The following LTA4H variants were observed in gnomAD, a reference collection of about 807,000 sequenced individuals.
The protein encoded by LTA4H is leukotriene A4 hydrolase, also known as leukotriene A-4 hydrolase.
In LTA4H, 59 loss-of-function variants were observed where a neutral mutation model predicts 89.8. The observed-to-expected ratio is 0.66, with a 90% CI of 0.53 to 0.82. LTA4H has a LOEUF of 0.82. Among genes scored for constraint, LTA4H ranks in the 40% least tolerant of loss-of-function variants. The probability of loss-of-function intolerance (pLI) is 0.00; values close to 1 mark genes in which losing one functional copy is unlikely to be tolerated. For missense variants in LTA4H, 617 were observed against 727.0 expected, an observed-to-expected ratio of 0.85 and a Z score of 1.74; for synonymous variants, 227 against 253.1, an observed-to-expected ratio of 0.90 and a Z score of 0.98.
chr12:96,018,898 T>G lies in LTA4H; in HGVS notation c.717A>C (p.Glu239Asp). ...EKSAYEFSET[E>D]SMLKIAEDLG... is the part of the protein sequence containing the mutation. ...GATCTTCTGCTATTTTAAGCATAGA[T>G]TCAGTCTGAAAAATCAACATATATA... The change falls in exon 8 of 19, where the codon GAA (glutamate) becomes GAC (aspartate). Residue 239 changes from glutamate to aspartate, a missense_variant. By Grantham distance (45) the Glu-to-Asp change is conservative. This residue lies in a region of LTA4H where 172 missense variants were observed against 244.5 expected (regional missense o/e 0.70). Transcript: ENST00000228740. 1.3e-6 allele frequency: 2 copies of G among 1,579,682 alleles called. No homozygotes were observed. The highest frequency in any genetic ancestry group is 1.7e-6 in the Non-Finnish European group (2 of 1,167,654).
chr12:96,002,880 T>C, intron 18 of LTA4H, 80 bp downstream of exon 18: 2 of 916,418 alleles, frequency 2.2e-6, no homozygotes, highest in Non-Finnish European at 3.4e-6. Context: ...AATATTGTCA[T>C]ATAGATTACG....
intron 14 of LTA4H, 159 bp from the exon 15 acceptor site, chr12:96,009,307 C>T (rs1419233803): frequency 3.4e-6 from 2 of 585,416 alleles, no homozygotes; most frequent in Non-Finnish European, 6.0e-6. Flanking sequence ...AACTTACATA[C>T]TACTGGCATC....
In LTA4H at chr12:96,001,140, G is replaced by T. The variant is rs1950094065; in HGVS notation, c.1719-34C>A. On this transcript the variant is annotated intron_variant, in intron 18 of 18. Transcript: ENST00000228740. ...AAAGAAAAAATTGAAAAGAAAGAAA[G>T]GCGAGAAGGAGACAGAGGAGGAGAA... is the stretch of plus-strand genomic sequence containing the variant. 5 of 1,370,208 alleles carry T rather than the reference G, an allele frequency of 3.6e-6. No homozygotes were observed. In the South Asian group the frequency reaches 5.8e-5, roughly 16 times the overall value. The allele number at this position is 1,370,208 out of a possible 1,614,324, so 84.9% of individuals were successfully genotyped here. A position where few individuals can be genotyped will look rare whatever the true frequency, so the allele number is the denominator to read the frequency against.
chr12:96,016,298 C>CA (rs762615863), intron 10 of LTA4H, among the ~76,000 whole-genome samples: 15,604 of 55,134 alleles, frequency 0.28, 1,947 homozygotes, highest in African/African-American at 0.33. Flanking sequence ...GACTCCATCT[C>CA]AAAAAAAAAA....
chr12:96,003,144 T>A, intron 17 of LTA4H, 80 bp from the exon 18 acceptor site: 2 of 857,716 alleles, frequency 2.3e-6, no homozygotes, highest in Non-Finnish European at 3.8e-6. Flanking sequence ...TAATATTACT[T>A]CTGTAGTGAT....
At chr12:96,035,212 TG>T (rs1950624921) in intron 1 of LTA4H, 148 bp downstream of exon 1, 1 of 757,838 alleles carries the variant, frequency 1.3e-6, no homozygotes, top group South Asian at 1.9e-5. Context: ...CAACATGAGT[TG>T]GATGGAGGCT....
chr12:96,004,004 A>C (rs113425019), intron 16 of LTA4H, 84 bp from the exon 17 acceptor site: 2 of 621,440 alleles, frequency 3.2e-6, no homozygotes, highest in African/African-American at 1.9e-5. Flanking sequence ...GCATAGCCAG[A>C]TTAAAATCCT....
At chr12:96,036,060 C>T (rs769084551), upstream of LTA4H, among the ~76,000 whole-genome samples, 8 of 152,164 alleles carry the variant, frequency 5.3e-5, no homozygotes, top group East Asian at 1.9e-4. Flanking sequence ...GCCTGTCACG[C>T]GGGAGACCGG....
At chr12:96,041,189 C>G (rs2540481) in intron 1 of LTA4H, among the ~76,000 whole-genome samples, 19,068 of 151,800 alleles carry the variant, frequency 0.13, 1,575 homozygotes, top group Non-Finnish European at 0.19. Flanking sequence ...TATTTGTATG[C>G]TTTTATGATT....
chr12:96,027,289 A>T, intron 3 of LTA4H, 155 bp downstream of exon 3: 1 of 559,510 alleles, frequency 1.8e-6, no homozygotes, highest in Non-Finnish European at 2.9e-6. Context: ...ATAAAATGAA[A>T]ATATATAATT....
chr12:96,001,494 C>T (rs1950102598), intron 18 of LTA4H, among the ~76,000 whole-genome samples: 3 of 152,166 alleles, frequency 2.0e-5, no homozygotes, highest in African/African-American at 4.8e-5. Context: ...ATTATTTGAA[C>T]AGAGTCCTCT....
At chr12:96,016,204 C>T (rs1235669377) in intron 10 of LTA4H, among the ~76,000 whole-genome samples, 1 of 149,862 alleles carries the variant, frequency 6.7e-6, no homozygotes, top group Non-Finnish European at 1.5e-5. Flanking sequence ...GTCCCAGATA[C>T]TCGGGAGGCT....
Position 96,018,847 on chromosome 12 carries a change from C to A in LTA4H, c.768G>T (p.Gln256His). ...ATGGTGGCAGGACCAATAGGTCATA[C>A]TGTCCCCATACATACGGTCCTCCCA... ...EDLGGPYVWG[Q>H]YDLLVLPPSF... Residue 256 changes from glutamine to histidine, a missense_variant, in exon 8 of 19, where the codon CAG becomes CAT. Gln to His is a conservative substitution (Grantham distance 24). Around this residue, in one of 3 missense-constraint regions of LTA4H, gnomAD observed 172 missense variants for 244.5 expected, o/e 0.70. Coordinates refer to ENST00000228740, the MANE Select transcript of LTA4H (RefSeq NM_000895.3). 6.2e-7 allele frequency: 1 copy of A among 1,604,704 alleles called. No homozygotes were observed. Among genetic ancestry groups the A allele is most frequent in the African/African-American group, 1.3e-5 (1 of 74,536 alleles).
chr12:96,014,808 A>C, intron 12 of LTA4H, 47 bp downstream of exon 12: 1 of 1,547,896 alleles, frequency 6.5e-7, no homozygotes, highest in South Asian at 1.2e-5. Flanking sequence ...TAATTCTCAC[A>C]TTACCCTCAA....
At chr12:96,035,201 A>G (rs1254769739) in intron 1 of LTA4H, among the ~76,000 whole-genome samples, 160 bp downstream of exon 1, 1 of 152,198 alleles carries the variant, frequency 6.6e-6, no homozygotes, top group East Asian at 1.9e-4. Context: ...GCTGAAGTGC[A>G]CAACATGAGT....
intron 15 of LTA4H, among the ~76,000 whole-genome samples, chr12:96,007,325 A>C (rs1412026024): frequency 6.6e-6 from 1 of 152,228 alleles, no homozygotes; most frequent in African/African-American, 2.4e-5. Context: ...AAAAACCTGC[A>C]AATCTAAACT....
At position 96,009,191 on chromosome 12, in the gene LTA4H, T is replaced by A. The variant is rs748994832; in HGVS notation, c.1380-43A>T. 1.1e-5 allele frequency: 15 copies of A among 1,389,688 alleles called. No homozygotes were observed. The East Asian group carries it at 3.4e-4, about 32-fold the overall frequency. 86.1% of individuals were successfully genotyped at this position (1,389,688 alleles called of 1,614,324 possible). On this transcript the variant is annotated intron_variant, in intron 14 of 18. Transcript: ENST00000228740. ...ACATTGTTTAAAAATGCACGTGCTTTTGCAGAAATGCAGTTTTAAAGCTAC... is the reference window on the plus strand; with the variant it reads ...ACATTGTTTAAAAATGCACGTGCTTATGCAGAAATGCAGTTTTAAAGCTAC...
In LTA4H at chr12:96,022,438, GATGTGTATATATATGCACACATATAT is replaced by G. The variant is rs1257727458; in HGVS notation, c.481-213_481-188del. Among the ~76,000 whole-genome samples, 14 of 151,892 alleles carry G rather than the reference GATGTGTATATATATGCACACATATAT, an allele frequency of 9.2e-5. No individual in the cohort carries two copies. Among genetic ancestry groups the G allele is most frequent in the African/African-American group, 3.4e-4 (14 of 41,326 alleles). On this transcript the variant is annotated intron_variant, in intron 4 of 18. Transcript: ENST00000228740. The surrounding 1 kb of genome is among the most constrained non-coding windows in gnomAD (Gnocchi z 4.0). The stretch of plus-strand genomic sequence containing the variant: ...CATATATATGAACACAACGTGTATA[GATGTGTATATATATGCACACATATAT>G]ATGTGTATATATATAAAACACATAT...
intron 1 of LTA4H, among the ~76,000 whole-genome samples, chr12:96,032,406 A>T (rs1232537085): frequency 6.6e-6 from 1 of 152,194 alleles, no homozygotes; most frequent in Non-Finnish European, 1.5e-5. Flanking sequence ...GCCCATGTTA[A>T]GCTTAGGCAC....
Sources: allele counts gnomAD v4.1 joint callset (sites outside exome capture counted in the v4.1 genomes callset), GRCh38; gene constraint gnomAD v4.1.1; regional missense constraint gnomAD v4.1.1; non-coding constraint Gnocchi (gnomAD v3.1); transcripts MANE v1.5; gene names NCBI Gene and HGNC (gene_info 2026-07-23, HGNC 2026-07-21).